The following SELENBP1 variants were observed in gnomAD, a reference collection of about 807,000 sequenced individuals.
SELENBP1 encodes the protein selenium binding protein 1.
Under a neutral mutation model 61.0 loss-of-function variants are expected in SELENBP1, and 71 were observed. That is an observed-to-expected ratio of 1.16 (90% CI 0.96 to 1.42). SELENBP1 has a LOEUF of 1.42. Ranked by LOEUF, SELENBP1 falls within the 40% of genes most tolerant of loss-of-function variation. The pLI, the probability that SELENBP1 is intolerant of heterozygous loss-of-function variation, is 0.00. For synonymous variants in SELENBP1, 270 were observed against 238.9 expected, an observed-to-expected ratio of 1.13 and a Z score of -1.20; for missense variants, 561 against 605.0, an observed-to-expected ratio of 0.93 and a Z score of 0.76.
intron 9 of SELENBP1, 62 bp downstream of exon 9, chr1:151,365,501 C>T (rs1309724952): frequency 2.6e-5 from 42 of 1,608,332 alleles, no homozygotes; most frequent in Non-Finnish European, 3.5e-5. Flanking sequence ...ATCATCCACC[C>T]CATCCCCAGC....
intron 2 of SELENBP1, 44 bp downstream of exon 2, chr1:151,369,669 G>A: frequency 6.5e-7 from 1 of 1,546,764 alleles, no homozygotes; most frequent in Middle Eastern, 1.7e-4. Context: ...CCCCAGCTGT[G>A]GAATCAGTAG....
chr1:151,368,557 T>C (rs1571284245), intron 4 of SELENBP1, among the ~76,000 whole-genome samples: 1 of 152,232 alleles, frequency 6.6e-6, no homozygotes, highest in African/African-American at 2.4e-5. Flanking sequence ...CCTTTCCCCA[T>C]GTGTCCTGAA....
chr1:151,369,325 C>G (rs955677916), intron 3 of SELENBP1, 117 bp downstream of exon 3: 1 of 1,414,444 alleles, frequency 7.1e-7, no homozygotes, highest in African/African-American at 1.4e-5. Flanking sequence ...CCAGGTTGAG[C>G]GTGCACAAGC....
rs748394679 is a variant in SELENBP1 at position 151,365,196 on chromosome 1, A to G, written c.1130T>C (p.Val377Ala). 2.1e-5 allele frequency: 34 copies of G among 1,613,588 alleles called. No individual in the cohort carries two copies. The highest frequency in any genetic ancestry group is 2.6e-5 in the Non-Finnish European group (31 of 1,179,810). Residue 377 changes from valine (V) to alanine (A), a missense_variant, in exon 10 of 12, where the codon GTG becomes GCG. Coordinates refer to ENST00000368868, the MANE Select transcript of SELENBP1 (RefSeq NM_003944.4). ...AGGGGGAGAGGCTCTTACCTTGACC[A>G]CTAGGGGCTCTGGCTGGGACTTTAG... ...EELKSQPEPL[V>A]VKGKRVAGGP...
Position 151,369,496 on chromosome 1 carries a change from G to C in SELENBP1, c.120C>G (p.Ala40=). ...PCIYRNTGTE[A]PDYLATVDVD... ...CATCCACAGTGGCCAGATAATCTGG[G>C]GCCTCAGTGCCTGTGTTTCGGTAAA... The change falls in exon 3 of 12, where the codon GCC becomes GCG. Residue 40 remains alanine, a synonymous_variant. Transcript: ENST00000368868. The C allele has an allele frequency of 6.2e-7, 1 of 1,612,982 alleles. No homozygotes were observed. The highest frequency in any genetic ancestry group is 1.3e-5 in the African/African-American group (1 of 75,034).
At position 151,372,671 on chromosome 1, in the gene SELENBP1, G is replaced by A. The variant is rs375756111; in HGVS notation, c.-30C>T. The A allele has an allele frequency of 1.7e-5, 27 of 1,613,906 alleles. No individual in the cohort carries two copies. Among genetic ancestry groups the A allele is most frequent in the African/African-American group, 1.2e-4 (9 of 74,902 alleles). ...CCGACTGGTACACTTTGATCCCGGC[G>A]GGTTTGCTGTGCTGGTGTCAGAGGC... On this transcript the variant is annotated 5_prime_UTR_variant, in exon 1 of 12. Transcript: ENST00000368868.
intron 7 of SELENBP1, 198 bp downstream of exon 7, chr1:151,366,077 T>A: frequency 1.3e-6 from 1 of 762,372 alleles, no homozygotes; most frequent in Non-Finnish European, 2.1e-6. Context: ...ATTCACTAAG[T>A]AGTTTTTGAA....
intron 1 of SELENBP1, among the ~76,000 whole-genome samples, chr1:151,370,520 C>T (rs1287329276): frequency 1.3e-5 from 2 of 152,158 alleles, no homozygotes; most frequent in Admixed American, 1.3e-4. Flanking sequence ...GTGTTTGGCC[C>T]AACTCTGGAG....
intron 9 of SELENBP1, 42 bp downstream of exon 9, chr1:151,365,521 C>A: frequency 6.2e-7 from 1 of 1,612,350 alleles, no homozygotes; most frequent in Non-Finnish European, 8.5e-7. Context: ...CTTCTCTTCT[C>A]TTTCCTTCCT....
In SELENBP1 at chr1:151,366,430, C is replaced by T. The variant is rs750981873; in HGVS notation, c.688G>A (p.Val230Ile). 9 of 1,613,782 alleles carry T rather than the reference C, an allele frequency of 5.6e-6. No homozygotes were observed. Among genetic ancestry groups the T allele is most frequent in the South Asian group, 1.1e-5 (1 of 91,086 alleles). The change falls in exon 7 of 12, where the codon GTA (valine) becomes ATA (isoleucine). Residue 230 changes from valine (V) to isoleucine (I), a missense_variant. Physicochemically the swap from Val to Ile is conservative, Grantham distance 29 (BLOSUM62 3). Transcript: ENST00000368868. Reference sequence around the variant, plus strand: ...ATCTCATGGCGCTGCCAGTCCCATACATATAAGTGGCTCCCGTACAGTCCT... The same window carrying T: ...ATCTCATGGCGCTGCCAGTCCCATATATATAAGTGGCTCCCGTACAGTCCT... ...EAGLYGSHLY[V>I]WDWQRHEIVQ...
At position 151,369,077 on chromosome 1, in the gene SELENBP1, A is replaced by G; in HGVS notation, c.287T>C (p.Leu96Pro). 6.2e-7 allele frequency: 1 copy of G among 1,614,058 alleles called. No individual in the cohort carries two copies. The highest frequency in any genetic ancestry group is 8.5e-7 in the Non-Finnish European group (1 of 1,180,012). The change falls in exon 4 of 12, where the codon CTG becomes CCG. Residue 96 changes from leucine (L) to proline (P), a missense_variant. Transcript: ENST00000368868. ...GATGCGAGAGGAGATGAGACTGGGCAGCACCAGCTTGGTGCGCGACTTGGT... is the reference window on the plus strand; with the variant it reads ...GATGCGAGAGGAGATGAGACTGGGCGGCACCAGCTTGGTGCGCGACTTGGT... Reference protein sequence around the residue: ...DSTKSRTKLVLPSLISSRIYV... With the variant: ...DSTKSRTKLVPPSLISSRIYV...
At chr1:151,367,188 T>TA in intron 5 of SELENBP1, 1 of 471,148 alleles carries the variant, frequency 2.1e-6, no homozygotes, top group Non-Finnish European at 3.2e-6. Flanking sequence ...ATTAAAAATA[T>TA]AAAAAATTAC....
chr1:151,368,704 ATTT>A (rs1651980071), intron 4 of SELENBP1, among the ~76,000 whole-genome samples: 1 of 152,228 alleles, frequency 6.6e-6, no homozygotes, highest in African/African-American at 2.4e-5. Context: ...AGAGACCGGA[ATTT>A]TTAAGAGAAC....
At chr1:151,367,154 C>T in intron 5 of SELENBP1, 5 of 818,104 alleles carry the variant, frequency 6.1e-6, no homozygotes, top group Non-Finnish European at 8.4e-6. Context: ...ATCAGCCTGG[C>T]CAACATGGTG....
chr1:151,368,158 A>G, intron 5 of SELENBP1, 41 bp downstream of exon 5: 1 of 1,593,594 alleles, frequency 6.3e-7, no homozygotes, highest in Non-Finnish European at 8.6e-7. Flanking sequence ...CACATTTCAC[A>G]GCTGTGGAAG....
Position 151,372,657 on chromosome 1 carries a change from A to G in SELENBP1, c.-16T>C, listed in dbSNP as rs534100112. ...CCTTACCCATGCTGCCGACTGGTACACTTTGATCCCGGCGGGTTTGCTGTG... is the reference window on the plus strand; with the variant it reads ...CCTTACCCATGCTGCCGACTGGTACGCTTTGATCCCGGCGGGTTTGCTGTG... On this transcript the variant is annotated 5_prime_UTR_variant, in exon 1 of 12. Transcript: ENST00000368868. 1.2e-6 allele frequency: 2 copies of G among 1,614,154 alleles called. No homozygotes were observed. Among genetic ancestry groups the G allele is most frequent in the Admixed American group, 1.7e-5 (1 of 60,012 alleles).
Position 151,364,403 on chromosome 1 carries a change from ACT to A in SELENBP1, c.*138_*139del, listed in dbSNP as rs1338722992. 11 of 996,426 alleles carry A rather than the reference ACT, an allele frequency of 1.1e-5. No individual in the cohort carries two copies. In the East Asian group the frequency reaches 1.9e-4, roughly 17 times the overall value. The allele number at this position is 996,426 out of a possible 1,614,324, so 61.7% of individuals were successfully genotyped here. A position where few individuals can be genotyped will look rare whatever the true frequency, so the allele number is the denominator to read the frequency against. On this transcript the variant is annotated 3_prime_UTR_variant, in exon 12 of 12. Transcript: ENST00000368868. ...CAACAGTGGTCAGTAAATGTATATG[ACT>A]CAACACATTGCCACAGTCTCAGCTT... is the stretch of plus-strand genomic sequence containing the variant.
Position 151,364,618 on chromosome 1 carries a change from C to T in SELENBP1, c.1344G>A (p.Lys448=). 1 of 1,613,728 alleles carries T rather than the reference C, an allele frequency of 6.2e-7. No homozygotes were observed. The highest frequency in any genetic ancestry group is 2.2e-5 in the East Asian group (1 of 44,870). ...LNPNFLVDFG[K]EPLGPALAHE... ...GGGCAAGGGCTGGGCCAAGGGGCTCCTTCCCGAAGTCCACCAGGAAGTTGG... is the reference window on the plus strand; with the variant it reads ...GGGCAAGGGCTGGGCCAAGGGGCTCTTTCCCGAAGTCCACCAGGAAGTTGG... The change falls in exon 12 of 12, where the codon AAG becomes AAA. Residue 448 remains lysine (K), a synonymous_variant. Transcript: ENST00000368868.
chr1:151,369,708 A>G lies in SELENBP1; in HGVS notation c.61+5T>C, dbSNP rs2102099564. 2 of 1,551,904 alleles carry G rather than the reference A, an allele frequency of 1.3e-6. No homozygotes were observed. Among genetic ancestry groups the G allele is most frequent in the Middle Eastern group, 1.7e-4 (1 of 5,990 alleles). On this transcript the variant is annotated splice_donor_5th_base_variant and intron_variant, in intron 2 of 11. Transcript: ENST00000368868. ...GGCGCTGGCTCTCAGACCATGGGCA[A>G]TTACCTTTCATGGCCTCCAGAGGGG...
Sources: gnomAD v4.1 joint callset for allele counts (sites outside exome capture counted in the v4.1 genomes callset) on GRCh38, gnomAD v4.1.1 for gene constraint, MANE v1.5 for transcripts, NCBI Gene and HGNC (gene_info 2026-07-23, HGNC 2026-07-21) for gene names.